The following LY96 variants were observed in gnomAD, a reference collection of about 807,000 sequenced individuals.
The protein encoded by LY96 is myeloid differentiation protein-2.
LY96 carries 18 observed loss-of-function variants against 18.9 expected under a neutral mutation model. The observed-to-expected ratio is 0.95, with a 90% CI of 0.66 to 1.41. The LOEUF (loss-of-function observed/expected upper bound fraction) is 1.41. Among genes scored for constraint, LY96 ranks in the 40% most tolerant of loss-of-function variants. The probability of loss-of-function intolerance (pLI) is 0.00; values close to 1 mark genes in which losing one functional copy is unlikely to be tolerated. For missense variants in LY96, 175 were observed against 182.4 expected, an observed-to-expected ratio of 0.96 and a Z score of 0.23; for synonymous variants, 66 against 62.6, an observed-to-expected ratio of 1.06 and a Z score of -0.26.
At chr8:74,078,918 C>CT in the LY96 span, among the ~76,000 whole-genome samples, 4 of 152,098 alleles carry the variant, frequency 2.6e-5, no homozygotes, top group African/African-American at 9.7e-5. Context: ...CTCTCTCTCT[C>CT]TTTTTTTGTT....
chr8:74,068,952 G>A, the LY96 span, among the ~76,000 whole-genome samples: 3 of 152,008 alleles, frequency 2.0e-5, no homozygotes, highest in African/African-American at 7.3e-5. Flanking sequence ...ACACCACCAT[G>A]CCTGGCTAAT....
At chr8:74,020,625 A>C (rs527704054) in intron 3 of LY96, among the ~76,000 whole-genome samples, 12 of 152,308 alleles carry the variant, frequency 7.9e-5, no homozygotes, top group Admixed American at 2.0e-4. Context: ...AATCCTAAGC[A>C]AAAAGAGCAA....
At chr8:74,063,940 C>A in the LY96 span, among the ~76,000 whole-genome samples, 4 of 151,998 alleles carry the variant, frequency 2.6e-5, no homozygotes, top group Non-Finnish European at 5.9e-5. Context: ...ATCCTTGTGA[C>A]TTTTTTTCCC....
chr8:74,098,545 T>A, the LY96 span, among the ~76,000 whole-genome samples: 26 of 152,184 alleles, frequency 1.7e-4, no homozygotes, highest in Middle Eastern at 3.4e-3. Flanking sequence ...CCAGCTAATA[T>A]TTTGTATTTT....
At chr8:73,998,887 A>G (rs553302178) in intron 1 of LY96, among the ~76,000 whole-genome samples, 278 of 151,742 alleles carry the variant, frequency 1.8e-3, no homozygotes, top group Non-Finnish European at 3.0e-3. Context: ...AAAGTTTTTA[A>G]CTTCCTTAGT....
chr8:74,083,225 A>AT, the LY96 span, among the ~76,000 whole-genome samples: 9 of 151,946 alleles, frequency 5.9e-5, no homozygotes, highest in South Asian at 1.7e-3. Context: ...TTTAATTTTT[A>AT]TTTTTTTGAG....
At chr8:74,032,804 A>G (rs186846441), downstream of LY96, among the ~76,000 whole-genome samples, 27 of 152,332 alleles carry the variant, frequency 1.8e-4, no homozygotes, top group East Asian at 5.0e-3. Flanking sequence ...ACAGCTCACT[A>G]TTAAACAATT....
the LY96 span, among the ~76,000 whole-genome samples, chr8:74,040,142 G>A: frequency 7.7e-4 from 117 of 152,246 alleles, no homozygotes; most frequent in Non-Finnish European, 1.2e-3. Flanking sequence ...GTTATTCCTA[G>A]GTTATATTAG....
At chr8:74,067,753 T>C in the LY96 span, among the ~76,000 whole-genome samples, 92 of 152,012 alleles carry the variant, frequency 6.1e-4, 1 homozygote, top group East Asian at 0.016. Flanking sequence ...GCAACCAACA[T>C]CACAATCAAG....
the LY96 span, among the ~76,000 whole-genome samples, chr8:74,046,897 C>T: frequency 7.1e-6 from 1 of 141,700 alleles, no homozygotes; most frequent in African/African-American, 2.8e-5. Flanking sequence ...CATTCTCATT[C>T]TCATTCTTTT....
downstream of LY96, chr8:74,029,220 C>T: frequency 1.8e-6 from 1 of 568,628 alleles, no homozygotes; most frequent in East Asian, 3.0e-5. Flanking sequence ...CATGGTGCAT[C>T]ATGCAGAGCC....
At chr8:74,081,039 TTTCTTTC>T in the LY96 span, among the ~76,000 whole-genome samples, 6 of 119,868 alleles carry the variant, frequency 5.0e-5, no homozygotes, top group Admixed American at 4.0e-4. Context: ...TCTTTCTTTC[TTTCTTTC>T]TTTTTCTTTC....
intron 1 of LY96, among the ~76,000 whole-genome samples, chr8:74,004,000 G>C (rs1563711740): frequency 1.3e-5 from 2 of 152,112 alleles, no homozygotes; most frequent in Admixed American, 6.6e-5. Flanking sequence ...GTGGTGAAGG[G>C]AACTGTGGCA....
At chr8:74,083,415 C>G in the LY96 span, among the ~76,000 whole-genome samples, 1 of 152,040 alleles carries the variant, frequency 6.6e-6, no homozygotes, top group Admixed American at 6.6e-5. Flanking sequence ...GGGGTTTCAC[C>G]ATGTTGGCCA....
the LY96 span, among the ~76,000 whole-genome samples, chr8:74,088,548 G>T: frequency 6.6e-6 from 1 of 152,042 alleles, no homozygotes; most frequent in East Asian, 1.9e-4. Flanking sequence ...AGCTAAAACC[G>T]CAGACTGTGA....
chr8:74,065,381 C>T, the LY96 span, among the ~76,000 whole-genome samples: 3 of 152,196 alleles, frequency 2.0e-5, no homozygotes, highest in Admixed American at 6.5e-5. Flanking sequence ...TTTTCATCAA[C>T]AGGCTTCAGC....
intron 4 of LY96, among the ~76,000 whole-genome samples, 177 bp downstream of exon 4, chr8:74,027,018 C>T (rs573220510): frequency 6.3e-4 from 96 of 151,936 alleles, no homozygotes; most frequent in African/African-American, 2.3e-3. Context: ...ACTGCAACCT[C>T]CACCCGCCAA....
chr8:74,035,396 T>A, the LY96 span, among the ~76,000 whole-genome samples: 1 of 152,012 alleles, frequency 6.6e-6, no homozygotes, highest in African/African-American at 2.4e-5. Context: ...GCCCTGGCAA[T>A]GTTATGGGGC....
At chr8:74,070,675 A>G in the LY96 span, among the ~76,000 whole-genome samples, 1 of 152,012 alleles carries the variant, frequency 6.6e-6, no homozygotes, top group African/African-American at 2.4e-5. Context: ...AATACCCCAG[A>G]TTCACCTCGT....
Sources: gnomAD v4.1 joint callset for allele counts (sites outside exome capture counted in the v4.1 genomes callset) on GRCh38, gnomAD v4.1.1 for gene constraint, MANE v1.5 for transcripts, NCBI Gene and HGNC (gene_info 2026-07-23, HGNC 2026-07-21) for gene names.